Variants in PHF19 observed in about 807,000 individuals in gnomAD.
PHF19 encodes the protein PHD finger protein 19, also known as polycomb like 3.
Under a neutral mutation model 79.8 loss-of-function variants are expected in PHF19, and 21 were observed. The observed-to-expected ratio is 0.26, with a 90% CI of 0.19 to 0.38. The LOEUF (loss-of-function observed/expected upper bound fraction) is 0.38, where lower values mean the gene tolerates loss of function less well. PHF19 is among the 10% of genes least tolerant of loss of function. The pLI, the probability that PHF19 is intolerant of heterozygous loss-of-function variation, is 1.00. For synonymous variants in PHF19, 273 were observed against 296.3 expected, an observed-to-expected ratio of 0.92 and a Z score of 0.81; for missense variants, 445 against 744.2, an observed-to-expected ratio of 0.60 and a Z score of 4.68.
chr9:120,887,710 A>AT (rs2046287025), intron 1 of PHF19, among the ~76,000 whole-genome samples: 1 of 150,796 alleles, frequency 6.6e-6, no homozygotes, highest in Non-Finnish European at 1.5e-5. Flanking sequence ...ATGCCTTATG[A>AT]TTTTTTGGCT....
upstream of PHF19, among the ~76,000 whole-genome samples, chr9:120,898,887 C>T (rs2046420712): frequency 6.6e-6 from 1 of 152,268 alleles, no homozygotes; most frequent in East Asian, 1.9e-4. Flanking sequence ...TAGCTAAGCA[C>T]TCCATGATTG....
Position 120,866,066 on chromosome 9 carries a change from G to A in PHF19, c.741C>T (p.Asn247=), listed in dbSNP as rs2045689911. The A allele has an allele frequency of 6.2e-7, 1 of 1,613,984 alleles. No homozygotes were observed. The highest frequency in any genetic ancestry group is 1.3e-5 in the African/African-American group (1 of 75,006). ...GCCTCTCGATGTACTCTGGGCCCTGGTTACACACGGAGCAGAAGAACAGGT... is the reference window on the plus strand; with the variant it reads ...GCCTCTCGATGTACTCTGGGCCCTGATTACACACGGAGCAGAAGAACAGGT... ...RFYLFFCSVC[N]QGPEYIERLP... is the part of the protein sequence containing the mutation. Residue 247 remains asparagine, a synonymous_variant, in exon 8 of 15, where the codon AAC becomes AAT. Transcript: ENST00000373896. The surrounding 1 kb of genome is among the most constrained non-coding windows in gnomAD (Gnocchi z 5.2).
chr9:120,884,274 G>A (rs1564516391), intron 1 of PHF19, among the ~76,000 whole-genome samples: 1 of 152,090 alleles, frequency 6.6e-6, no homozygotes, highest in Non-Finnish European at 1.5e-5. Context: ...TTTTCCCCAC[G>A]TTAAAATACA....
chr9:120,900,154 G>C, the PHF19 span, among the ~76,000 whole-genome samples: 3 of 151,826 alleles, frequency 2.0e-5, no homozygotes, highest in Admixed American at 2.0e-4. Context: ...GCCCAGTTAA[G>C]TTTTGTATTT....
Position 120,862,008 on chromosome 9 carries a change from G to A in PHF19, c.1131-3C>T. ...GCTGGAATTCGTGAGGCAACAAACT[G>A]TGGAGACAGAAGAGGGAGAAGGTGG... On this transcript the variant is annotated splice_polypyrimidine_tract_variant and splice_region_variant and intron_variant, in intron 11 of 14. Transcript: ENST00000373896. This position sits in a 1 kb window ranked among gnomAD's most constrained non-coding sequence, Gnocchi z 4.6. 5 of 1,611,138 alleles carry A rather than the reference G, an allele frequency of 3.1e-6. No individual in the cohort carries two copies. The highest frequency in any genetic ancestry group is 4.2e-6 in the Non-Finnish European group (5 of 1,177,242).
rs1304792277 is a variant in PHF19, at chr9:120,869,346, G to A, written c.466-16C>T. ...CGCCGCCTTTCTGGGGGGAGACGAG[G>A]GCCCCAGTCAACCACCAGGTCCGGG... On this transcript the variant is annotated splice_polypyrimidine_tract_variant and intron_variant, in intron 5 of 14. Coordinates refer to ENST00000373896, the MANE Select transcript of PHF19 (RefSeq NM_015651.3). The surrounding 1 kb of genome is among the most constrained non-coding windows in gnomAD (Gnocchi z 5.8). 3 of 1,609,560 alleles carry A rather than the reference G, an allele frequency of 1.9e-6. No individual in the cohort carries two copies. Among genetic ancestry groups the A allele is most frequent in the African/African-American group, 2.7e-5 (2 of 74,898 alleles).
At chr9:120,877,767 A>G (rs1426508087), upstream of PHF19, among the ~76,000 whole-genome samples, 1 of 152,214 alleles carries the variant, frequency 6.6e-6, no homozygotes, top group African/African-American at 2.4e-5. Flanking sequence ...CACAACACAC[A>G]GTGCACAACG....
Position 120,861,922 on chromosome 9 carries a change from G to C in PHF19, c.1214C>G (p.Pro405Arg). 6.2e-7 allele frequency: 1 copy of C among 1,602,788 alleles called. No homozygotes were observed. Among genetic ancestry groups the C allele is most frequent in the Non-Finnish European group, 8.5e-7 (1 of 1,169,660 alleles). Reference protein sequence around the residue: ...RSKFLLEDAIPSSDFTSAWST... With the variant: ...RSKFLLEDAIRSSDFTSAWST... The stretch of plus-strand genomic sequence containing the variant: ...GTAAGAAAACAAGGAACTAACACTG[G>C]GAATAGCATCTTCCAGCAAAAACTT... The change falls in exon 12 of 15, where the codon CCC (proline) becomes CGC (arginine). Residue 405 changes from proline to arginine, a missense_variant. By Grantham distance (103) the Pro-to-Arg change is moderately radical. Transcript: ENST00000373896.
chr9:120,887,629 CACACACACACACACACACACACAG>C (rs1054377328), intron 1 of PHF19, among the ~76,000 whole-genome samples: 49 of 78,832 alleles, frequency 6.2e-4, no homozygotes, highest in Middle Eastern at 9.4e-3. Context: ...CAAACACACA[CACACACACACACACACACACACAG>C]ACACACACAC....
intron 10 of PHF19, among the ~76,000 whole-genome samples, chr9:120,863,402 G>A (rs936287181): frequency 1.3e-5 from 2 of 151,924 alleles, no homozygotes; most frequent in African/African-American, 4.8e-5. Flanking sequence ...AGACAGGCCC[G>A]ACATAGAACA....
At chr9:120,884,363 G>T (rs1016631978) in intron 1 of PHF19, among the ~76,000 whole-genome samples, 1 of 152,188 alleles carries the variant, frequency 6.6e-6, no homozygotes, top group South Asian at 2.1e-4. Flanking sequence ...GTCGATCCGC[G>T]TGAGGTGGAT....
At position 120,869,817 on chromosome 9, in the gene PHF19, C is replaced by A. The variant is rs1487682957; in HGVS notation, c.465+28G>T. 2 of 1,612,862 alleles carry A rather than the reference C, an allele frequency of 1.2e-6. No homozygotes were observed. Among genetic ancestry groups the A allele is most frequent in the Admixed American group, 3.3e-5 (2 of 59,880 alleles). ...GCCCCACTGGAGGAGGCAGGAGAGG[C>A]AGGGACTGGGGAGGATGGAAGGCTC... On this transcript the variant is annotated intron_variant, in intron 5 of 14. Coordinates refer to ENST00000373896, the MANE Select transcript of PHF19 (RefSeq NM_015651.3). The surrounding 1 kb of genome is among the most constrained non-coding windows in gnomAD (Gnocchi z 5.8).
chr9:120,890,490 G>C (rs970276709), intron 1 of PHF19, among the ~76,000 whole-genome samples: 1 of 152,046 alleles, frequency 6.6e-6, no homozygotes, highest in African/African-American at 2.4e-5. Flanking sequence ...CCCTGGTGAG[G>C]CCACTGAATT....
At position 120,866,871 on chromosome 9, in the gene PHF19, G is replaced by T. The variant is rs779726682; in HGVS notation, c.709C>A (p.Arg237=). The part of the protein sequence containing the change: ...CLNEPMMFGD[R]FYLFFCSVCN... ...CACTTGGACCAAATTAGCACCTACC[G>T]GTCTCCAAACATCATGGGCTCATTG... The change falls in exon 7 of 15, where the codon CGG becomes AGG. Residue 237 remains arginine, a splice_region_variant and synonymous_variant. Transcript: ENST00000373896. The surrounding 1 kb of genome is among the most constrained non-coding windows in gnomAD (Gnocchi z 5.2). 3.1e-6 allele frequency: 5 copies of T among 1,587,914 alleles called. No homozygotes were observed. In the South Asian group the frequency reaches 4.4e-5, roughly 14 times the overall value.
Position 120,864,110 on chromosome 9 carries a change from T to C in PHF19, c.907A>G (p.Ser303Gly). Reference protein sequence around the residue: ...WELLQLGKLTSTPVTDRGPHL... With the variant: ...WELLQLGKLTGTPVTDRGPHL... Reference sequence around the variant, plus strand: ...GGTCCTCGATCTGTCACTGGGGTGCTGGTGAGCTGTGGGAGAGCAGGCCAG... The same window carrying C: ...GGTCCTCGATCTGTCACTGGGGTGCCGGTGAGCTGTGGGAGAGCAGGCCAG... Residue 303 changes from serine (S) to glycine (G), a missense_variant, in exon 10 of 15, where the codon AGC becomes GGC. Physicochemically the swap from Ser to Gly is moderately conservative, Grantham distance 56. Coordinates refer to ENST00000373896, the MANE Select transcript of PHF19 (RefSeq NM_015651.3). 1.2e-6 allele frequency: 2 copies of C among 1,613,664 alleles called. No homozygotes were observed. The highest frequency in any genetic ancestry group is 1.7e-6 in the Non-Finnish European group (2 of 1,179,782).
At chr9:120,877,460 G>C (rs1048115394), upstream of PHF19, 10 of 636,752 alleles carry the variant, frequency 1.6e-5, no homozygotes, top group African/African-American at 2.2e-5. Flanking sequence ...CGCCCCGCGG[G>C]CGCGCATCCT....
At chr9:120,878,994 A>C (rs1588128865), upstream of PHF19, among the ~76,000 whole-genome samples, 2 of 151,728 alleles carry the variant, frequency 1.3e-5, no homozygotes, top group Non-Finnish European at 2.9e-5. Context: ...CGAAGTGCTC[A>C]CCTCTGAGGC....
In PHF19 at chr9:120,856,961, G is replaced by A. The variant is rs2045374813; in HGVS notation, c.*983C>T. On this transcript the variant is annotated 3_prime_UTR_variant, in exon 15 of 15. Coordinates refer to ENST00000373896, the MANE Select transcript of PHF19 (RefSeq NM_015651.3). ...TCTGTGTGTGTACACTTGGGCATGT[G>A]GTGGTGTGGCCGTGTGGGGTTGTCT... 6.5e-6 allele frequency: 1 copy of A among 152,938 alleles called. No homozygotes were observed. The highest frequency in any genetic ancestry group is 2.4e-5 in the African/African-American group (1 of 41,458). 9.5% of individuals were successfully genotyped at this position (152,938 alleles called of 1,614,324 possible). A position where few individuals can be genotyped will look rare whatever the true frequency, so the allele number is the denominator to read the frequency against.
upstream of PHF19, among the ~76,000 whole-genome samples, chr9:120,898,328 G>A (rs1299102939): frequency 6.6e-6 from 1 of 152,200 alleles, no homozygotes; most frequent in Non-Finnish European, 1.5e-5. Flanking sequence ...TGTTGGCCAG[G>A]CTGGTCTCGA....
Sources: allele counts gnomAD v4.1 joint callset (sites outside exome capture counted in the v4.1 genomes callset), GRCh38; gene constraint gnomAD v4.1.1; non-coding constraint Gnocchi (gnomAD v3.1); transcripts MANE v1.5; gene names NCBI Gene and HGNC (gene_info 2026-07-23, HGNC 2026-07-21).